The following FA2H variants were observed in gnomAD, a reference collection of about 807,000 sequenced individuals.
FA2H encodes fatty acid alpha-hydroxylase.
In FA2H, 22 loss-of-function variants were observed where a neutral mutation model predicts 44.9. That is an observed-to-expected ratio of 0.49 (90% CI 0.35 to 0.70). The LOEUF (loss-of-function observed/expected upper bound fraction) is 0.70, where lower values mean the gene tolerates loss of function less well. Ranked by LOEUF, FA2H falls within the 30% of genes least tolerant of loss-of-function variation. FA2H has a pLI of 0.01. For synonymous variants in FA2H, 243 were observed against 213.2 expected (o/e 1.14, Z -1.22); for missense variants, 501 against 504.9 (o/e 0.99, Z 0.07).
rs193294693 is a variant in FA2H, at chr16:74,733,780, T to C, written c.363+6243A>G. 2.4e-3 allele frequency among the ~76,000 whole-genome samples: 365 copies of C among 152,310 alleles called. 1 individual carries two copies. The highest frequency in any genetic ancestry group is 8.5e-3 in the African/African-American group (355 of 41,554). ...CTGACCAAACAATTGCCTTAGCTCA[T>C]TGCCATGGGGGTGGGCAGCGCTGCT... On this transcript the variant is annotated intron_variant, in intron 2 of 6. Transcript: ENST00000219368.
intron 4 of FA2H, among the ~76,000 whole-genome samples, chr16:74,722,123 A>T: frequency 7.9e-6 from 1 of 126,398 alleles, no homozygotes; most frequent in South Asian, 2.8e-4. Flanking sequence ...CCTCCCTCCC[A>T]AGGGACTCCT....
intron 4 of FA2H, among the ~76,000 whole-genome samples, chr16:74,724,252 G>A (rs755023233): frequency 9.2e-5 from 14 of 152,264 alleles, no homozygotes; most frequent in Admixed American, 5.2e-4. Flanking sequence ...AGCACTCTCC[G>A]GCGCAGACTA....
chr16:74,763,263 TTTTG>T (rs888127695), intron 1 of FA2H, among the ~76,000 whole-genome samples: 3 of 152,112 alleles, frequency 2.0e-5, no homozygotes, highest in African/African-American at 7.2e-5. Flanking sequence ...TGGAATTTTT[TTTTG>T]TTTTTTTTGA....
intron 2 of FA2H, among the ~76,000 whole-genome samples, chr16:74,732,177 C>T (rs959723634): frequency 1.3e-5 from 2 of 152,184 alleles, no homozygotes; most frequent in Non-Finnish European, 2.9e-5. Flanking sequence ...AGCCACTGTG[C>T]CTGGCCAGCG....
intron 1 of FA2H, among the ~76,000 whole-genome samples, chr16:74,756,975 G>A (rs1478011411): frequency 6.6e-6 from 1 of 151,366 alleles, no homozygotes; most frequent in East Asian, 1.9e-4. Context: ...CTTAAAGTAG[G>A]GGCAGAACCT....
chr16:74,760,589 C>A (rs1201213527), intron 1 of FA2H, among the ~76,000 whole-genome samples: 2 of 144,826 alleles, frequency 1.4e-5, no homozygotes, highest in Non-Finnish European at 3.1e-5. Flanking sequence ...GGAAGGCATG[C>A]CTGCTCCCCC....
chr16:74,744,991 G>A (rs1011935067), intron 1 of FA2H, among the ~76,000 whole-genome samples: 6 of 152,196 alleles, frequency 3.9e-5, no homozygotes, highest in Non-Finnish European at 1.5e-5. Context: ...CACAAGTGTT[G>A]ATGAGTGTGG....
chr16:74,748,912 C>T (rs1344962928), intron 1 of FA2H, among the ~76,000 whole-genome samples: 1 of 152,184 alleles, frequency 6.6e-6, no homozygotes, highest in Non-Finnish European at 1.5e-5. Context: ...GAATGGTTGC[C>T]TCGGGCCTTG....
chr16:74,714,073 C>G lies in FA2H; in HGVS notation c.*117G>C. 1.4e-6 allele frequency: 1 copy of G among 697,836 alleles called. No homozygotes were observed. Among genetic ancestry groups the G allele is most frequent in the Non-Finnish European group, 2.5e-6 (1 of 393,320 alleles). 43.2% of individuals were successfully genotyped at this position (697,836 alleles called of 1,614,324 possible). ...AGCACCTTCCACTAGGCTGCAGGGC[C>G]GGACACAGCCCATCCTGCCTGGCCA... On this transcript the variant is annotated 3_prime_UTR_variant, in exon 7 of 7. Transcript: ENST00000219368.
chr16:74,724,799 T>C (rs1189626342), intron 4 of FA2H, among the ~76,000 whole-genome samples: 4 of 152,078 alleles, frequency 2.6e-5, no homozygotes, highest in Non-Finnish European at 1.5e-5. Context: ...CTCCCTGCCA[T>C]GCAGGAAAGA....
At chr16:74,737,671 G>A (rs1327784958) in intron 2 of FA2H, among the ~76,000 whole-genome samples, 3 of 152,194 alleles carry the variant, frequency 2.0e-5, no homozygotes, top group Non-Finnish European at 4.4e-5. Context: ...GTCTTTGGCA[G>A]CAATCACAGT....
intron 1 of FA2H, among the ~76,000 whole-genome samples, chr16:74,749,368 C>T (rs1272979469): frequency 6.6e-6 from 1 of 151,496 alleles, no homozygotes. Flanking sequence ...ACCCACCCCT[C>T]GCCCTCCCCG....
At chr16:74,716,207 C>T in intron 6 of FA2H, 140 bp downstream of exon 6, 2 of 874,132 alleles carry the variant, frequency 2.3e-6, no homozygotes, top group East Asian at 5.0e-5. Context: ...CTGTCTGCAC[C>T]AGGGAAGAGA....
At chr16:74,739,577 C>T (rs1199172553) in intron 2 of FA2H, among the ~76,000 whole-genome samples, 1 of 152,198 alleles carries the variant, frequency 6.6e-6, no homozygotes, top group South Asian at 2.1e-4. Flanking sequence ...ATGGCTTCAG[C>T]GCTGTCTCCT....
intron 1 of FA2H, among the ~76,000 whole-genome samples, chr16:74,768,013 A>G (rs73616447): frequency 0.36 from 53,973 of 151,782 alleles, 10,087 homozygotes; most frequent in African/African-American, 0.42. Flanking sequence ...TGTTTCTGTG[A>G]TGTGGTGGGT....
chr16:74,765,776 A>G lies in FA2H; in HGVS notation c.270+8710T>C, dbSNP rs149537740. ...ACTATGCTGCCCAGGCTGGCCTTGA[A>G]CTCCTGGTCTCAAGCTCTCTTTCTG... is the stretch of plus-strand genomic sequence containing the variant. On this transcript the variant is annotated intron_variant, in intron 1 of 6. Coordinates refer to ENST00000219368, the MANE Select transcript of FA2H (RefSeq NM_024306.5). Among the ~76,000 whole-genome samples, 393 of 151,500 alleles carry G rather than the reference A, an allele frequency of 2.6e-3. 2 individuals carry two copies. Among genetic ancestry groups the G allele is most frequent in the African/African-American group, 9.2e-3 (379 of 41,304 alleles).
chr16:74,738,271 C>T (rs151305738), intron 2 of FA2H, among the ~76,000 whole-genome samples: 188 of 152,232 alleles, frequency 1.2e-3, no homozygotes, highest in Middle Eastern at 0.01. Flanking sequence ...ACAGCTGGCC[C>T]GGAGCCAGGC....
chr16:74,758,441 G>A (rs1287669966), intron 1 of FA2H, among the ~76,000 whole-genome samples: 2 of 151,718 alleles, frequency 1.3e-5, no homozygotes, highest in Admixed American at 6.6e-5. Context: ...TTTTTTGCAC[G>A]TTCGTCTTAA....
chr16:74,737,783 G>A (rs1194543584), intron 2 of FA2H, among the ~76,000 whole-genome samples: 1 of 152,104 alleles, frequency 6.6e-6, no homozygotes, highest in Admixed American at 6.6e-5. Context: ...CCTCGGCTGA[G>A]ACAAAGCTGC....
Sources: allele counts gnomAD v4.1 joint callset (sites outside exome capture counted in the v4.1 genomes callset), GRCh38; gene constraint gnomAD v4.1.1; transcripts MANE v1.5; gene names NCBI Gene and HGNC (gene_info 2026-07-23, HGNC 2026-07-21).